Variants in PPP2R2C observed in about 807,000 individuals in gnomAD.
PPP2R2C encodes protein phosphatase 2, regulatory subunit B, gamma.
In PPP2R2C, 10 loss-of-function variants were observed where a neutral mutation model predicts 45.3. The observed-to-expected ratio is 0.22, with a 90% CI of 0.14 to 0.37. PPP2R2C has a LOEUF of 0.37. Among genes scored for constraint, PPP2R2C ranks in the 10% least tolerant of loss-of-function variants. The pLI is 1.00. For missense variants in PPP2R2C, 308 were observed against 619.7 expected (o/e 0.50, Z 5.34); for synonymous variants, 257 against 245.4 (o/e 1.05, Z -0.44).
chr4:6,545,809 C>G (rs1024014060), intron 1 of PPP2R2C, among the ~76,000 whole-genome samples: 3 of 152,234 alleles, frequency 2.0e-5, no homozygotes, highest in African/African-American at 7.2e-5. Context: ...GTTTGCTTCT[C>G]TCTTAGGGCC....
At chr4:6,509,564 A>G (rs924548596) in intron 2 of PPP2R2C, among the ~76,000 whole-genome samples, 7 of 152,148 alleles carry the variant, frequency 4.6e-5, no homozygotes, top group Admixed American at 6.5e-5. Context: ...AATCCAACCA[A>G]ACTAATCTAC....
At chr4:6,406,887 G>T (rs1717832812) in intron 1 of PPP2R2C, among the ~76,000 whole-genome samples, 1 of 152,236 alleles carries the variant, frequency 6.6e-6, no homozygotes, top group Non-Finnish European at 1.5e-5. Flanking sequence ...AGGATTCTGA[G>T]ATGAGAAGAT....
At chr4:6,522,228 A>C (rs1724050007) in intron 2 of PPP2R2C, among the ~76,000 whole-genome samples, 3 of 152,226 alleles carry the variant, frequency 2.0e-5, no homozygotes, top group Admixed American at 2.0e-4. Context: ...ACAGAGGCAG[A>C]AAGTTGCTGC....
At position 6,345,558 on chromosome 4, in the gene PPP2R2C, G is replaced by C. The variant is rs137898655; in HGVS notation, c.790+2288C>G. 0.016 allele frequency among the ~76,000 whole-genome samples: 2,441 copies of C among 152,278 alleles called. 65 individuals carry two copies. Among genetic ancestry groups the C allele is most frequent in the African/African-American group, 0.055 (2,272 of 41,544 alleles). ...ACAGACAGGAGGGTCAGAGACGTGA[G>C]AGAGGCTTGGCCGCTGTGGGCTGGG... On this transcript the variant is annotated intron_variant, in intron 6 of 8. Coordinates refer to ENST00000382599, the MANE Select transcript of PPP2R2C (RefSeq NM_020416.4). The surrounding 1 kb of genome is among the most constrained non-coding windows in gnomAD (Gnocchi z 5.3).
At chr4:6,358,535 A>AG (rs1291540591) in intron 5 of PPP2R2C, among the ~76,000 whole-genome samples, 4 of 147,558 alleles carry the variant, frequency 2.7e-5, no homozygotes, top group African/African-American at 9.9e-5. Flanking sequence ...AAAAAAAAAA[A>AG]TGGCCATCAG....
chr4:6,478,959 C>A (rs2108777013), intron 2 of PPP2R2C, among the ~76,000 whole-genome samples: 1 of 152,336 alleles, frequency 6.6e-6, no homozygotes, highest in Non-Finnish European at 1.5e-5. Flanking sequence ...CACAAAACCA[C>A]CACATGCAAG....
intron 2 of PPP2R2C, among the ~76,000 whole-genome samples, chr4:6,482,873 T>C (rs75097726): frequency 0.035 from 5,380 of 152,252 alleles, 337 homozygotes; most frequent in African/African-American, 0.12. Flanking sequence ...CTTTCTCGGG[T>C]TGAGTAAATT....
upstream of PPP2R2C, among the ~76,000 whole-genome samples, chr4:6,476,650 AACTG>A (rs780653043): frequency 2.0e-5 from 3 of 152,170 alleles, no homozygotes; most frequent in African/African-American, 4.8e-5. Flanking sequence ...TAGCAGTCCA[AACTG>A]ACTAAGACAC....
chr4:6,475,908 T>C (rs1722127963), upstream of PPP2R2C, among the ~76,000 whole-genome samples: 1 of 152,156 alleles, frequency 6.6e-6, no homozygotes, highest in Non-Finnish European at 1.5e-5. Context: ...GACAAGGCCA[T>C]GAGGGTGGGG....
chr4:6,482,028 T>C (rs988144898), intron 2 of PPP2R2C, among the ~76,000 whole-genome samples: 4 of 150,342 alleles, frequency 2.7e-5, no homozygotes, highest in African/African-American at 9.8e-5. Context: ...CCTGTTGGGA[T>C]TTTCACTGAA....
chr4:6,388,026 G>A lies in PPP2R2C; in HGVS notation c.71-6932C>T, dbSNP rs1432020345. On this transcript the variant is annotated intron_variant, in intron 1 of 8. Coordinates refer to ENST00000382599, the MANE Select transcript of PPP2R2C (RefSeq NM_020416.4). ...CTGTCCCCACACTGCAGGGCCTGGA[G>A]CTGCCACTGGCTGCAGCCTCGAGCT... is the stretch of plus-strand genomic sequence containing the variant. Among the ~76,000 whole-genome samples, 7 of 152,324 alleles carry A rather than the reference G, an allele frequency of 4.6e-5. No individual in the cohort carries two copies. The East Asian group carries it at 1.4e-3, about 29-fold the overall frequency.
chr4:6,409,826 G>A (rs557097032), intron 1 of PPP2R2C, among the ~76,000 whole-genome samples: 27 of 152,112 alleles, frequency 1.8e-4, no homozygotes, highest in Admixed American at 1.1e-3. Context: ...CCAAACATGC[G>A]GTGCCCTTTT....
rs1164397051 is a variant in PPP2R2C at position 6,403,852 on chromosome 4, A to C, written c.71-22758T>G. 3.5e-5 allele frequency among the ~76,000 whole-genome samples: 5 copies of C among 140,966 alleles called. 1 individual carries two copies. The highest frequency in any genetic ancestry group is 6.5e-3 in the Middle Eastern group (2 of 308). 92.5% of individuals were successfully genotyped at this position (140,966 alleles called of 152,430 possible). On this transcript the variant is annotated intron_variant, in intron 1 of 8. Transcript: ENST00000382599. ...CACTCCAGCCTGGGTGACAGAGTGA[A>C]ACTCCGCCTCAGAAAAAAAAAAAAA...
At chr4:6,423,566 T>A (rs1719105678) in intron 1 of PPP2R2C, among the ~76,000 whole-genome samples, 1 of 152,218 alleles carries the variant, frequency 6.6e-6, no homozygotes, top group South Asian at 2.1e-4. Context: ...AGATCTTACA[T>A]ACCACTGGGG....
At chr4:6,409,688 C>A (rs1029294224) in intron 1 of PPP2R2C, among the ~76,000 whole-genome samples, 22 of 152,164 alleles carry the variant, frequency 1.4e-4, no homozygotes, top group African/African-American at 5.1e-4. Context: ...TGCCACCCCC[C>A]CATATCCCAG....
intron 1 of PPP2R2C, among the ~76,000 whole-genome samples, chr4:6,466,244 G>A (rs558526440): frequency 7.2e-5 from 11 of 152,180 alleles, no homozygotes; most frequent in Non-Finnish European, 1.0e-4. Flanking sequence ...CCTGCCACAC[G>A]TACCCCTCTG....
intron 5 of PPP2R2C, among the ~76,000 whole-genome samples, chr4:6,371,285 C>T (rs904417506): frequency 2.0e-5 from 3 of 152,248 alleles, no homozygotes; most frequent in African/African-American, 4.8e-5. Flanking sequence ...GTTCCCTTCC[C>T]GCTGTTTTCC....
rs1026499740 is a variant in PPP2R2C, at chr4:6,328,846, G to A, written c.1052+416C>T. ...GTAGTGGTGATGGGAGGAGGGGTGAGTAGACCGATGGTCAAAGCCACAGGG... is the reference window on the plus strand; with the variant it reads ...GTAGTGGTGATGGGAGGAGGGGTGAATAGACCGATGGTCAAAGCCACAGGG... On this transcript the variant is annotated intron_variant, in intron 8 of 8. Transcript: ENST00000382599. This position sits in a 1 kb window ranked among gnomAD's most constrained non-coding sequence, Gnocchi z 4.4. Among the ~76,000 whole-genome samples the A allele has an allele frequency of 1.2e-4, 19 of 152,222 alleles. No individual in the cohort carries two copies. Among genetic ancestry groups the A allele is most frequent in the African/African-American group, 4.3e-4 (18 of 41,464 alleles).
At chr4:6,441,073 C>T (rs1720126622) in intron 1 of PPP2R2C, among the ~76,000 whole-genome samples, 2 of 152,086 alleles carry the variant, frequency 1.3e-5, no homozygotes, top group Admixed American at 1.3e-4. Context: ...TGGGTGAGGG[C>T]TGACTCTGGC....
Sources: gnomAD v4.1 joint callset for allele counts (sites outside exome capture counted in the v4.1 genomes callset) on GRCh38, gnomAD v4.1.1 for gene constraint, Gnocchi (gnomAD v3.1) non-coding constraint, MANE v1.5 for transcripts, NCBI Gene and HGNC (gene_info 2026-07-23, HGNC 2026-07-21) for gene names.